FARS2: variants seen among roughly 807,000 people sequenced by gnomAD.
FARS2 encodes phenylalanine--tRNA ligase, mitochondrial.
FARS2 carries 40 observed loss-of-function variants against 46.4 expected under a neutral mutation model. That is an observed-to-expected ratio of 0.86 (90% confidence interval 0.67 to 1.12). FARS2 has a LOEUF of 1.12. Among genes scored for constraint, FARS2 ranks in the 50% most tolerant of loss-of-function variants. FARS2 has a pLI of 0.00. For missense variants in FARS2, 513 were observed against 567.9 expected, an observed-to-expected ratio of 0.90 and a Z score of 0.98; for synonymous variants, 234 against 214.9, an observed-to-expected ratio of 1.09 and a Z score of -0.78.
intron 1 of FARS2, among the ~76,000 whole-genome samples, chr6:5,362,379 C>T (rs1243485649): frequency 1.3e-5 from 2 of 152,164 alleles, no homozygotes; most frequent in Admixed American, 6.5e-5. Context: ...GAGAGTTCTC[C>T]TAGTTCATCC....
At chr6:5,492,071 C>T (rs995393687) in intron 4 of FARS2, among the ~76,000 whole-genome samples, 1 of 152,182 alleles carries the variant, frequency 6.6e-6, no homozygotes, top group Non-Finnish European at 1.5e-5. Flanking sequence ...ATAAAAACTA[C>T]TCATTTTCTA....
chr6:5,499,724 C>G (rs1173918401), intron 4 of FARS2, among the ~76,000 whole-genome samples: 1 of 152,182 alleles, frequency 6.6e-6, no homozygotes, highest in Non-Finnish European at 1.5e-5. Flanking sequence ...GATATCATTG[C>G]CTGCAGAAAT....
At chr6:5,285,632 A>T (rs60406859) in intron 1 of FARS2, among the ~76,000 whole-genome samples, 2,032 of 152,256 alleles carry the variant, frequency 0.013, 40 homozygotes, top group African/African-American at 0.046. Context: ...ACTGCTTTTC[A>T]AATCTCTCCA....
intron 6 of FARS2, among the ~76,000 whole-genome samples, chr6:5,694,047 A>C (rs903392942): frequency 2.6e-5 from 4 of 152,242 alleles, no homozygotes; most frequent in Admixed American, 6.5e-5. Context: ...TCAAAGCCGC[A>C]CTGGAAGATC....
At chr6:5,273,309 C>T (rs1344593229) in intron 1 of FARS2, among the ~76,000 whole-genome samples, 3 of 152,166 alleles carry the variant, frequency 2.0e-5, no homozygotes, top group African/African-American at 7.2e-5. Flanking sequence ...GTTCCCCTTT[C>T]TCCACATCTG....
intron 6 of FARS2, among the ~76,000 whole-genome samples, chr6:5,669,843 G>C (rs1003062629): frequency 1.3e-5 from 2 of 152,100 alleles, no homozygotes; most frequent in Non-Finnish European, 2.9e-5. Context: ...AAGGAGAAGA[G>C]GCTGAGTTGG....
chr6:5,401,877 G>A (rs1041889063), intron 2 of FARS2, among the ~76,000 whole-genome samples: 10 of 152,084 alleles, frequency 6.6e-5, no homozygotes, highest in African/African-American at 2.4e-4. Flanking sequence ...TTGCCTAGAG[G>A]CCTTGACGAT....
At chr6:5,283,817 A>T (rs928579012) in intron 1 of FARS2, among the ~76,000 whole-genome samples, 1 of 152,216 alleles carries the variant, frequency 6.6e-6, no homozygotes, top group Non-Finnish European at 1.5e-5. Flanking sequence ...TAATTTACTT[A>T]GCCAGTCCCC....
intron 6 of FARS2, among the ~76,000 whole-genome samples, chr6:5,757,253 T>C (rs1211758576): frequency 1.3e-5 from 2 of 152,098 alleles, no homozygotes; most frequent in African/African-American, 2.4e-5. Flanking sequence ...TGCAACTCAA[T>C]ACAATTTTGA....
chr6:5,725,892 G>A (rs1760221436), intron 6 of FARS2, among the ~76,000 whole-genome samples: 1 of 152,202 alleles, frequency 6.6e-6, no homozygotes, highest in South Asian at 2.1e-4. Context: ...TCGAGATGGG[G>A]CCACTGCACT....
At chr6:5,301,400 G>C (rs1379597157) in intron 1 of FARS2, among the ~76,000 whole-genome samples, 1 of 152,126 alleles carries the variant, frequency 6.6e-6, no homozygotes, top group African/African-American at 2.4e-5. Context: ...GCAGTGAGCT[G>C]TGATCGTGCC....
At chr6:5,584,731 GAGGTCTTCGAAATAAATCTCTGAAA>G (rs1773524272) in intron 5 of FARS2, among the ~76,000 whole-genome samples, 1 of 152,002 alleles carries the variant, frequency 6.6e-6, no homozygotes, top group Admixed American at 6.6e-5. Flanking sequence ...GTTTAATGAA[GAGGTCTTCGAAATAAATCTCTGAAA>G]ACAAAAGCTA....
chr6:5,664,488 C>T (rs1402443455), intron 6 of FARS2, among the ~76,000 whole-genome samples: 1 of 152,186 alleles, frequency 6.6e-6, no homozygotes, highest in African/African-American at 2.4e-5. Flanking sequence ...ATATCCAGAC[C>T]TCATGCTTGA....
chr6:5,256,377 C>G (rs1258731755), upstream of FARS2, among the ~76,000 whole-genome samples: 1 of 151,434 alleles, frequency 6.6e-6, no homozygotes. Flanking sequence ...GTAATCCCAG[C>G]TACTCGGGAG....
chr6:5,417,885 A>G (rs1415459588), intron 3 of FARS2, among the ~76,000 whole-genome samples: 2 of 151,888 alleles, frequency 1.3e-5, no homozygotes, highest in Non-Finnish European at 2.9e-5. Flanking sequence ...CTTTTCCACT[A>G]CTGGTGCTCT....
intron 4 of FARS2, among the ~76,000 whole-genome samples, chr6:5,479,504 C>T (rs138956406): frequency 6.6e-6 from 1 of 152,338 alleles, no homozygotes; most frequent in Non-Finnish European, 1.5e-5. Context: ...CTAGTTTTAA[C>T]TCCCAGCAGG....
At chr6:5,260,865 G>A (rs1165596430), upstream of FARS2, 3 of 1,466,894 alleles carry the variant, frequency 2.0e-6, no homozygotes, top group Admixed American at 2.4e-5. Flanking sequence ...CAGCGGGCCG[G>A]GCCTAAGCCT....
chr6:5,725,660 G>C (rs1310928509), intron 6 of FARS2, among the ~76,000 whole-genome samples: 2 of 152,246 alleles, frequency 1.3e-5, no homozygotes, highest in Admixed American at 6.5e-5. Context: ...CTGGGGCCAG[G>C]CATGGTGGCT....
At chr6:5,475,487 G>T (rs1216776675) in intron 4 of FARS2, among the ~76,000 whole-genome samples, 1 of 152,182 alleles carries the variant, frequency 6.6e-6, no homozygotes, top group South Asian at 2.1e-4. Context: ...AGAAGACGTT[G>T]CATGAAGCAT....
Sources: gnomAD v4.1 joint callset for allele counts (sites outside exome capture counted in the v4.1 genomes callset) on GRCh38, gnomAD v4.1.1 for gene constraint, MANE v1.5 for transcripts, NCBI Gene and HGNC (gene_info 2026-07-23, HGNC 2026-07-21) for gene names.